ANKRD53: variants seen among roughly 807,000 people sequenced by gnomAD.
The protein encoded by ANKRD53 is ankyrin repeat domain 53, also known as ankyrin repeat domain-containing protein 53.
ANKRD53 carries 27 observed loss-of-function variants against 30.1 expected under a neutral mutation model. The ratio of observed to expected loss-of-function variants is 0.90; its 90% confidence interval spans 0.66 to 1.24. The LOEUF is 1.24. Among genes scored for constraint, ANKRD53 ranks in the 50% most tolerant of loss-of-function variants. The pLI is 0.00. For synonymous variants in ANKRD53, 286 were observed against 295.4 expected (o/e 0.97, Z 0.33); for missense variants, 682 against 721.0 (o/e 0.95, Z 0.62).
At position 70,978,889 on chromosome 2, in the gene ANKRD53, C is replaced by A; in HGVS notation, c.170+74C>A. 6.7e-7 allele frequency: 1 copy of A among 1,492,546 alleles called. No individual in the cohort carries two copies. Among genetic ancestry groups the A allele is most frequent in the South Asian group, 1.3e-5 (1 of 76,154 alleles). The allele number at this position is 1,492,546 out of a possible 1,614,324, so 92.5% of individuals were successfully genotyped here. On this transcript the variant is annotated intron_variant, in intron 1 of 5. Transcript: ENST00000360589. The surrounding 1 kb of genome is among the most constrained non-coding windows in gnomAD (Gnocchi z 4.3). ...CCAGCGCCTCCCTGGTGGGCAGGGC[C>A]TGGAGCGGGCGGGGGCGGAGGCTGC...
Position 70,985,319 on chromosome 2 carries a change from T to G in ANKRD53, c.*19T>G, listed in dbSNP as rs1301666935. On this transcript the variant is annotated 3_prime_UTR_variant, in exon 6 of 6. Coordinates refer to ENST00000360589, the MANE Select transcript of ANKRD53 (RefSeq NM_001115116.2). Reference sequence around the variant, plus strand: ...CCCATAAAGTTATTATGGCTACCTCTCCCCCTGAGGCAGCCCAGTGAAGGC... The same window carrying G: ...CCCATAAAGTTATTATGGCTACCTCGCCCCCTGAGGCAGCCCAGTGAAGGC... The G allele has an allele frequency of 2.1e-6, 3 of 1,446,756 alleles. No homozygotes were observed. Among genetic ancestry groups the G allele is most frequent in the Non-Finnish European group, 2.8e-6 (3 of 1,076,554 alleles). The allele number at this position is 1,446,756 out of a possible 1,614,324, so 89.6% of individuals were successfully genotyped here. A position where few individuals can be genotyped will look rare whatever the true frequency, so the allele number is the denominator to read the frequency against.
At position 70,979,891 on chromosome 2, in the gene ANKRD53, T is replaced by TCGGGCACAGGCA. The variant is rs1669955512; in HGVS notation, c.617+41_617+52dup. On this transcript the variant is annotated intron_variant, in intron 3 of 5. Transcript: ENST00000360589. ...TCCAGCCTGCTTCAGGAGGGAGGCT[T>TCGGGCACAGGCA]CGGGCACAGGCACGGGCACAGCCCT... 4.3e-6 allele frequency: 7 copies of TCGGGCACAGGCA among 1,613,354 alleles called. No individual in the cohort carries two copies. The South Asian group carries it at 5.5e-5, about 13-fold the overall frequency.
In ANKRD53 at chr2:70,979,172, G is replaced by A. The variant is rs781850466; in HGVS notation, c.246G>A (p.Ser82=). Residue 82 remains serine, a synonymous_variant, in exon 2 of 6, where the codon TCG becomes TCA. Coordinates refer to ENST00000360589, the MANE Select transcript of ANKRD53 (RefSeq NM_001115116.2). ...TALARPRRPA[S]LTPPRADPSP... ...TCGCCAGGCCGCGCCGCCCTGCCTC[G>A]CTCACCCCGCCCCGCGCTGACCCCA... 6.2e-7 allele frequency: 1 copy of A among 1,612,118 alleles called. No homozygotes were observed. The highest frequency in any genetic ancestry group is 8.5e-7 in the Non-Finnish European group (1 of 1,179,708).
rs1553423277 is a variant in ANKRD53 at position 70,979,926 on chromosome 2, C to A, written c.617+66C>A. 5 of 1,577,236 alleles carry A rather than the reference C, an allele frequency of 3.2e-6. No homozygotes were observed. In the African/African-American group the frequency reaches 6.7e-5, roughly 21 times the overall value. On this transcript the variant is annotated intron_variant, in intron 3 of 5. Coordinates refer to ENST00000360589, the MANE Select transcript of ANKRD53 (RefSeq NM_001115116.2). Reference sequence around the variant, plus strand: ...GCACGGGCACAGCCCTACTTCCAGGCAGGCAAATCCATGCAGGACAAGCAG... The same window carrying A: ...GCACGGGCACAGCCCTACTTCCAGGAAGGCAAATCCATGCAGGACAAGCAG...
intron 5 of ANKRD53, chr2:70,984,157 T>C: frequency 3.1e-6 from 5 of 1,614,182 alleles, no homozygotes; most frequent in Non-Finnish European, 4.2e-6. Context: ...CCATTTGCCT[T>C]TTCCCCCATC....
rs782655343 is a variant in ANKRD53, at chr2:70,982,012, C to A, written c.694C>A (p.Gln232Lys). The A allele has an allele frequency of 6.2e-7, 1 of 1,613,698 alleles. No homozygotes were observed. Among genetic ancestry groups the A allele is most frequent in the East Asian group, 2.2e-5 (1 of 44,850 alleles). ...GCTGGACTGTGTGAAGGTCCTGGTG[C>A]AGAGTGGCGCCAACGTCCATGCCCA... is the stretch of plus-strand genomic sequence containing the variant. Reference protein sequence around the residue: ...GLLDCVKVLVQSGANVHAQDA... With the variant: ...GLLDCVKVLVKSGANVHAQDA... Residue 232 changes from glutamine (Q) to lysine (K), a missense_variant, in exon 4 of 6, where the codon CAG becomes AAG. Physicochemically the swap from Gln to Lys is moderately conservative, Grantham distance 53. Coordinates refer to ENST00000360589, the MANE Select transcript of ANKRD53 (RefSeq NM_001115116.2). The surrounding 1 kb of genome is among the most constrained non-coding windows in gnomAD (Gnocchi z 4.2).
chr2:70,982,307 T>C lies in ANKRD53; in HGVS notation c.782+207T>C. 1.4e-6 allele frequency: 1 copy of C among 738,274 alleles called. No homozygotes were observed. The highest frequency in any genetic ancestry group is 1.8e-5 in the African/African-American group (1 of 56,314). 45.7% of individuals were successfully genotyped at this position (738,274 alleles called of 1,614,324 possible). A position where few individuals can be genotyped will look rare whatever the true frequency, so the allele number is the denominator to read the frequency against. ...GTAAGTCTGCCCAGGTCCCCTGCTCTCTGGGTTGATCACTGCCCTCCTTTC... is the reference window on the plus strand; with the variant it reads ...GTAAGTCTGCCCAGGTCCCCTGCTCCCTGGGTTGATCACTGCCCTCCTTTC... On this transcript the variant is annotated intron_variant, in intron 4 of 5. Transcript: ENST00000360589. This position sits in a 1 kb window ranked among gnomAD's most constrained non-coding sequence, Gnocchi z 4.2.
At chr2:70,979,458 T>A in intron 2 of ANKRD53, 115 bp downstream of exon 2, 1 of 1,518,112 alleles carries the variant, frequency 6.6e-7, no homozygotes, top group South Asian at 1.3e-5. Context: ...ATTTAACTCA[T>A]CTTCTGGCTG....
In ANKRD53 at chr2:70,982,310, G is replaced by A. The variant is rs1670036527; in HGVS notation, c.782+210G>A. The A allele has an allele frequency of 1.3e-6, 1 of 742,928 alleles. No individual in the cohort carries two copies. The highest frequency in any genetic ancestry group is 2.1e-6 in the Non-Finnish European group (1 of 473,096). The allele number at this position is 742,928 out of a possible 1,614,324, so 46.0% of individuals were successfully genotyped here. ...AGTCTGCCCAGGTCCCCTGCTCTCTGGGTTGATCACTGCCCTCCTTTCCTG... is the reference window on the plus strand; with the variant it reads ...AGTCTGCCCAGGTCCCCTGCTCTCTAGGTTGATCACTGCCCTCCTTTCCTG... On this transcript the variant is annotated intron_variant, in intron 4 of 5. Transcript: ENST00000360589. This position sits in a 1 kb window ranked among gnomAD's most constrained non-coding sequence, Gnocchi z 4.2.
chr2:70,982,035 C>G lies in ANKRD53; in HGVS notation c.717C>G (p.Ala239=), dbSNP rs781972518. Residue 239 remains alanine (A), a synonymous_variant, in exon 4 of 6, where the codon GCC becomes GCG. Transcript: ENST00000360589. This position sits in a 1 kb window ranked among gnomAD's most constrained non-coding sequence, Gnocchi z 4.2. ...VLVQSGANVH[A]QDAMGYKPID... is the part of the protein sequence containing the mutation. ...TGCAGAGTGGCGCCAACGTCCATGCCCAAGATGCCATGGGCTACAAACCCA... is the reference window on the plus strand; with the variant it reads ...TGCAGAGTGGCGCCAACGTCCATGCGCAAGATGCCATGGGCTACAAACCCA... The G allele has an allele frequency of 1.2e-6, 2 of 1,613,730 alleles. No homozygotes were observed. The highest frequency in any genetic ancestry group is 2.2e-5 in the South Asian group (2 of 91,026).
Position 70,984,829 on chromosome 2 carries a change from C to A in ANKRD53, c.1122C>A (p.Ile374=). 1 of 1,552,474 alleles carries A rather than the reference C, an allele frequency of 6.4e-7. No individual in the cohort carries two copies. The highest frequency in any genetic ancestry group is 8.7e-7 in the Non-Finnish European group (1 of 1,147,316). The change falls in exon 6 of 6, where the codon ATC becomes ATA. Residue 374 remains isoleucine (I), a synonymous_variant. Coordinates refer to ENST00000360589, the MANE Select transcript of ANKRD53 (RefSeq NM_001115116.2). ...IPQPTEMPKP[I]YRKPTVKRPT... ...AGCCCACGGAGATGCCCAAGCCCAT[C>A]TACAGGAAGCCCACGGTCAAGCGGC...
In ANKRD53 at chr2:70,979,208, G is replaced by C; in HGVS notation, c.282G>C (p.Lys94Asn). Residue 94 changes from lysine to asparagine, a missense_variant, in exon 2 of 6, where the codon AAG becomes AAC. By Grantham distance (94) the Lys-to-Asn change is moderately conservative. Transcript: ENST00000360589. ...CCCGCGCTGACCCCAGCCCCAGCAA[G>C]GAGTCCGACCAGACGGCAATCGACC... ...TPPRADPSPS[K>N]ESDQTAIDQT... 3 of 1,613,334 alleles carry C rather than the reference G, an allele frequency of 1.9e-6. No homozygotes were observed. Among genetic ancestry groups the C allele is most frequent in the Non-Finnish European group, 1.7e-6 (2 of 1,179,992 alleles).
rs370376005 is a variant in ANKRD53, at chr2:70,978,779, A to T, written c.134A>T (p.Lys45Met). 13 of 1,572,136 alleles carry T rather than the reference A, an allele frequency of 8.3e-6. No individual in the cohort carries two copies. The African/African-American group carries it at 1.8e-4, about 21-fold the overall frequency. The change falls in exon 1 of 6, where the codon AAG becomes ATG. Residue 45 changes from lysine to methionine, a missense_variant. Lys to Met is a moderately conservative substitution (Grantham distance 95, BLOSUM62 -1). Coordinates refer to ENST00000360589, the MANE Select transcript of ANKRD53 (RefSeq NM_001115116.2). This position sits in a 1 kb window ranked among gnomAD's most constrained non-coding sequence, Gnocchi z 4.3. ...SMQQANKVSL[K>M]ATWTDAESKQ... ...CAGCAGGCGAACAAAGTCTCCTTGA[A>T]GGCCACCTGGACTGACGCGGAGTCC... is the stretch of plus-strand genomic sequence containing the variant.
rs781816281 is a variant in ANKRD53, at chr2:70,979,108, C to T, written c.182C>T (p.Pro61Leu). The change falls in exon 2 of 6, where the codon CCC (proline) becomes CTC (leucine). Residue 61 changes from proline to leucine, a missense_variant. Coordinates refer to ENST00000360589, the MANE Select transcript of ANKRD53 (RefSeq NM_001115116.2). ...AESKQPSQPL[P>L]DLADHLSAQA... ...GCCCCGCCCTCCAGCCAGCCCCTGC[C>T]CGACCTCGCAGACCACCTCAGTGCG... 2.9e-5 allele frequency: 47 copies of T among 1,599,086 alleles called. No individual in the cohort carries two copies. Among genetic ancestry groups the T allele is most frequent in the Non-Finnish European group, 3.6e-5 (42 of 1,175,500 alleles).
chr2:70,978,573 TG>T (rs1669894220), upstream of ANKRD53: 1 of 1,399,690 alleles, frequency 7.1e-7, no homozygotes, highest in Non-Finnish European at 9.3e-7. The surrounding 1 kb of genome is among the most constrained non-coding windows in gnomAD (Gnocchi z 4.3). Context: ...TGGCAAGGAG[TG>T]GCCCCCGGGG....
intron 5 of ANKRD53, 167 bp from the exon 6 acceptor site, chr2:70,984,443 TA>T (rs1342843276): frequency 2.0e-6 from 2 of 985,256 alleles, no homozygotes; most frequent in African/African-American, 3.5e-5. Flanking sequence ...CCGGCTCCCA[TA>T]AGGCAGGTGT....
At position 70,979,097 on chromosome 2, in the gene ANKRD53, C is replaced by G; in HGVS notation, c.171C>G (p.Ser57Arg). 1 of 1,589,894 alleles carries G rather than the reference C, an allele frequency of 6.3e-7. No individual in the cohort carries two copies. Residue 57 changes from serine to arginine, a missense_variant and splice_region_variant, in exon 2 of 6, where the codon AGC (serine) becomes AGG (arginine). Transcript: ENST00000360589. ...TWTDAESKQP[S>R]QPLPDLADHL... ...GCTTCCCCACTGCCCCGCCCTCCAG[C>G]CAGCCCCTGCCCGACCTCGCAGACC...
Position 70,984,987 on chromosome 2 carries a change from G to A in ANKRD53, c.1280G>A (p.Arg427Lys), listed in dbSNP as rs1670136156. Residue 427 changes from arginine to lysine, a missense_variant, in exon 6 of 6, where the codon AGG becomes AAG. Arg to Lys is a conservative substitution (Grantham distance 26). Transcript: ENST00000360589. ...GACTTCAGCAGCTTCCTGGAGGTGAGGCCTGATGGGCACGGCGGTGCGCGG... is the reference window on the plus strand; with the variant it reads ...GACTTCAGCAGCTTCCTGGAGGTGAAGCCTGATGGGCACGGCGGTGCGCGG... The part of the protein sequence containing the change: ...EHDFSSFLEV[R>K]PDGHGGARLH... 6.5e-7 allele frequency: 1 copy of A among 1,549,746 alleles called. No homozygotes were observed. Among genetic ancestry groups the A allele is most frequent in the Non-Finnish European group, 8.7e-7 (1 of 1,146,602 alleles).
rs1553423776 is a variant in ANKRD53, at chr2:70,982,239, G to GAT, written c.782+142_782+143dup. 1.3e-4 allele frequency: 139 copies of GAT among 1,057,348 alleles called. No individual in the cohort carries two copies. Among genetic ancestry groups the GAT allele is most frequent in the Non-Finnish European group, 5.3e-6 (4 of 752,320 alleles). 65.5% of individuals were successfully genotyped at this position (1,057,348 alleles called of 1,614,324 possible). On this transcript the variant is annotated intron_variant, in intron 4 of 5. Coordinates refer to ENST00000360589, the MANE Select transcript of ANKRD53 (RefSeq NM_001115116.2). This position sits in a 1 kb window ranked among gnomAD's most constrained non-coding sequence, Gnocchi z 4.2. ...GCTGGAGGATGCGCCTACTGCCCAG[G>GAT]ATATTTTGGATGAGGCAATCACCTC...
Sources: gnomAD v4.1 joint callset for allele counts on GRCh38, gnomAD v4.1.1 for gene constraint, Gnocchi (gnomAD v3.1) non-coding constraint, MANE v1.5 for transcripts, NCBI Gene and HGNC (gene_info 2026-07-23, HGNC 2026-07-21) for gene names.